PTPN4: variants seen among roughly 807,000 people sequenced by gnomAD.
The protein encoded by PTPN4 is tyrosine-protein phosphatase non-receptor type 4.
PTPN4 carries 49 observed loss-of-function variants against 135.5 expected under a neutral mutation model. The observed-to-expected ratio is 0.36, with a 90% CI of 0.29 to 0.46. PTPN4 has a LOEUF of 0.46. Among genes scored for constraint, PTPN4 ranks in the 20% least tolerant of loss-of-function variants. The pLI is 1.00. For synonymous variants in PTPN4, 333 were observed against 369.9 expected (o/e 0.90, Z 1.14); for missense variants, 860 against 1,101.0 (o/e 0.78, Z 3.10).
rs769384502 is a variant in PTPN4 at position 119,897,282 on chromosome 2, C to G, written c.676-3436C>G. ...TGGTCTAGCTTTGATAGCTTTTATGCTATCTAGTATTTTTAAGATGTTTTG... is the reference window on the plus strand; with the variant it reads ...TGGTCTAGCTTTGATAGCTTTTATGGTATCTAGTATTTTTAAGATGTTTTG... On this transcript the variant is annotated intron_variant, in intron 9 of 26. Transcript: ENST00000263708. Among the ~76,000 whole-genome samples the G allele has an allele frequency of 1.6e-4, 25 of 152,178 alleles. 1 individual carries two copies. The highest frequency in any genetic ancestry group is 6.8e-3 in the Middle Eastern group (2 of 294).
intron 12 of PTPN4, among the ~76,000 whole-genome samples, chr2:119,924,771 A>G (rs946652513): frequency 1.3e-5 from 2 of 152,140 alleles, no homozygotes; most frequent in Non-Finnish European, 2.9e-5. Context: ...CCTTTTGAGT[A>G]ATAGTATCCC....
intron 1 of PTPN4, among the ~76,000 whole-genome samples, chr2:119,768,144 TTTA>T (rs1690668511): frequency 6.6e-6 from 1 of 152,162 alleles, no homozygotes. Context: ...TGTTTAGTGG[TTTA>T]TATTAGTTAC....
intron 14 of PTPN4, among the ~76,000 whole-genome samples, 184 bp from the exon 15 acceptor site, chr2:119,934,616 G>C (rs1045985670): frequency 1.3e-5 from 2 of 152,140 alleles, no homozygotes; most frequent in Non-Finnish European, 2.9e-5. Flanking sequence ...TTGTAACTCA[G>C]ATCACTGACT....
In PTPN4 at chr2:119,775,410, C is replaced by A. The variant is rs189260878; in HGVS notation, c.-18+15026C>A. Among the ~76,000 whole-genome samples the A allele has an allele frequency of 2.8e-4, 42 of 152,294 alleles. No homozygotes were observed. The East Asian group carries it at 7.1e-3, about 26-fold the overall frequency. On this transcript the variant is annotated intron_variant, in intron 1 of 26. Coordinates refer to ENST00000263708, the MANE Select transcript of PTPN4 (RefSeq NM_002830.4). ...GAACTACCTTGCCAGTAAGGGACTG[C>A]CTTTTAAAGTTCTTTTGATGTTGGA... is the stretch of plus-strand genomic sequence containing the variant.
chr2:119,878,816 G>T (rs1678022795), intron 5 of PTPN4, among the ~76,000 whole-genome samples: 1 of 151,582 alleles, frequency 6.6e-6, no homozygotes, highest in African/African-American at 2.4e-5. Context: ...AGTTGTGGCC[G>T]GGTGCAGTGG....
chr2:119,782,106 G>A (rs1010106952), intron 1 of PTPN4, among the ~76,000 whole-genome samples: 6 of 152,030 alleles, frequency 3.9e-5, no homozygotes, highest in African/African-American at 1.5e-4. Context: ...GCCAAATGTA[G>A]CCATTTAAAT....
chr2:119,855,276 C>A lies in PTPN4; in HGVS notation c.139-7260C>A, dbSNP rs552271506. On this transcript the variant is annotated intron_variant, in intron 2 of 26. Coordinates refer to ENST00000263708, the MANE Select transcript of PTPN4 (RefSeq NM_002830.4). ...AGATAATGCAGTTTCCAGAAAAGACCCTAAGTTAGGGATGTCCCCAGATGA... is the reference window on the plus strand; with the variant it reads ...AGATAATGCAGTTTCCAGAAAAGACACTAAGTTAGGGATGTCCCCAGATGA... 3.9e-5 allele frequency among the ~76,000 whole-genome samples: 6 copies of A among 151,906 alleles called. No individual in the cohort carries two copies. The South Asian group carries it at 1.3e-3, about 32-fold the overall frequency.
At chr2:119,879,271 T>C (rs765081158) in intron 5 of PTPN4, among the ~76,000 whole-genome samples, 4 of 152,190 alleles carry the variant, frequency 2.6e-5, no homozygotes, top group South Asian at 2.1e-4. Context: ...ATAGCCTGCA[T>C]TGAAAACATA....
chr2:119,904,475 C>G (rs1678455927), intron 10 of PTPN4, among the ~76,000 whole-genome samples: 1 of 151,954 alleles, frequency 6.6e-6, no homozygotes. Flanking sequence ...AAAAAAAAAC[C>G]TATTTAAGAA....
At chr2:119,893,011 G>A (rs1036654625) in intron 9 of PTPN4, among the ~76,000 whole-genome samples, 4 of 151,932 alleles carry the variant, frequency 2.6e-5, no homozygotes, top group Non-Finnish European at 5.9e-5. Flanking sequence ...CTGCAGACAT[G>A]AGCCACCACA....
chr2:119,762,040 CTTTAAATTTATAACACCCAA>C (rs1690516864), intron 1 of PTPN4, among the ~76,000 whole-genome samples: 1 of 152,056 alleles, frequency 6.6e-6, no homozygotes, highest in East Asian at 1.9e-4. Context: ...AACATTGTTA[CTTTAAATTTATAACACCCAA>C]TTTCTAATTT....
rs186483460 is a variant in PTPN4 at position 119,857,739 on chromosome 2, T to C, written c.139-4797T>C. On this transcript the variant is annotated intron_variant, in intron 2 of 26. Coordinates refer to ENST00000263708, the MANE Select transcript of PTPN4 (RefSeq NM_002830.4). Reference sequence around the variant, plus strand: ...GAGAATATTATCATTTACTCTTCATTCCTATTGAGTATTTTCTGTTGACAT... The same window carrying C: ...GAGAATATTATCATTTACTCTTCATCCCTATTGAGTATTTTCTGTTGACAT... Among the ~76,000 whole-genome samples the C allele has an allele frequency of 3.6e-3, 552 of 152,300 alleles. 3 individuals are homozygous for C. Among genetic ancestry groups the C allele is most frequent in the African/African-American group, 0.013 (530 of 41,548 alleles).
chr2:119,883,963 G>C (rs550872889), intron 8 of PTPN4, among the ~76,000 whole-genome samples: 182 of 152,274 alleles, frequency 1.2e-3, no homozygotes, highest in African/African-American at 4.2e-3. Context: ...GCAGTGGCGC[G>C]ATCTCAGCTC....
intron 2 of PTPN4, among the ~76,000 whole-genome samples, chr2:119,833,535 C>T (rs949160819): frequency 6.6e-6 from 1 of 152,138 alleles, no homozygotes; most frequent in African/African-American, 2.4e-5. Flanking sequence ...TTGAGTCCTG[C>T]TAACTCTTGT....
chr2:119,766,507 T>TGTGTGTGTGTGTGTGTGTGTGTGA (rs1690633278), intron 1 of PTPN4, among the ~76,000 whole-genome samples: 1 of 149,362 alleles, frequency 6.7e-6, no homozygotes, highest in African/African-American at 2.5e-5. Context: ...TGTGTGTGTG[T>TGTGTGTGTGTGTGTGTGTGTGTGA]GTGAAATATC....
chr2:119,776,888 G>A (rs1435894406), intron 1 of PTPN4, among the ~76,000 whole-genome samples: 1 of 152,200 alleles, frequency 6.6e-6, no homozygotes, highest in Non-Finnish European at 1.5e-5. Context: ...AAAGTCAAGA[G>A]TTACATGGAG....
chr2:119,795,122 T>G (rs1372983085), intron 1 of PTPN4, among the ~76,000 whole-genome samples: 1 of 152,134 alleles, frequency 6.6e-6, no homozygotes, highest in Non-Finnish European at 1.5e-5. Context: ...CAGTTGGTTG[T>G]CCCATCATCT....
chr2:119,905,293 A>G (rs928259165), intron 10 of PTPN4, among the ~76,000 whole-genome samples: 3 of 152,220 alleles, frequency 2.0e-5, no homozygotes, highest in Non-Finnish European at 4.4e-5. Flanking sequence ...ATGTAAAGGG[A>G]AGGAAAAATC....
intron 25 of PTPN4, among the ~76,000 whole-genome samples, chr2:119,966,899 C>T (rs1396591351): frequency 1.3e-5 from 2 of 152,230 alleles, no homozygotes; most frequent in Admixed American, 6.5e-5. Context: ...TTGTTCCTCC[C>T]TATTACGGCC....
Sources: gnomAD v4.1 joint callset for allele counts (sites outside exome capture counted in the v4.1 genomes callset) on GRCh38, gnomAD v4.1.1 for gene constraint, MANE v1.5 for transcripts, NCBI Gene and HGNC (gene_info 2026-07-23, HGNC 2026-07-21) for gene names.